The following SGCD variants were observed in gnomAD, a reference collection of about 807,000 sequenced individuals.
The protein encoded by SGCD is sarcoglycan delta.
In SGCD, 18 loss-of-function variants were observed where a neutral mutation model predicts 36.6. The observed-to-expected ratio is 0.49, with a 90% confidence interval of 0.34 to 0.73. SGCD has a LOEUF of 0.73. SGCD is among the 30% of genes least tolerant of loss of function. The pLI, the probability that SGCD is intolerant of heterozygous loss-of-function variation, is 0.01. For synonymous variants in SGCD, 133 were observed against 130.6 expected, an observed-to-expected ratio of 1.02 and a Z score of -0.12; for missense variants, 387 against 346.7, an observed-to-expected ratio of 1.12 and a Z score of -0.92.
At chr5:156,510,185 TA>T (rs1756870688) in intron 4 of SGCD, among the ~76,000 whole-genome samples, 1 of 152,220 alleles carries the variant, frequency 6.6e-6, no homozygotes, top group East Asian at 1.9e-4. Flanking sequence ...AATTTAGCCA[TA>T]CAATGATTAT....
chr5:155,888,803 C>G (rs1756062579), intron 1 of SGCD, among the ~76,000 whole-genome samples: 1 of 151,976 alleles, frequency 6.6e-6, no homozygotes, highest in Non-Finnish European at 1.5e-5. Flanking sequence ...TTCTTTTTTC[C>G]CGAATTTCTT....
chr5:156,109,220 G>A (rs987988774), intron 1 of SGCD, among the ~76,000 whole-genome samples: 19 of 152,104 alleles, frequency 1.2e-4, no homozygotes, highest in African/African-American at 4.3e-4. Flanking sequence ...ACCTTCTTGT[G>A]AAGTAACATT....
chr5:156,698,485 C>G (rs1754402658), intron 7 of SGCD, among the ~76,000 whole-genome samples: 2 of 152,304 alleles, frequency 1.3e-5, no homozygotes, highest in South Asian at 4.1e-4. Context: ...CTGGAAGGAA[C>G]CTCGGAGGCC....
chr5:155,731,692 C>A, the SGCD span, among the ~76,000 whole-genome samples: 1 of 152,172 alleles, frequency 6.6e-6, no homozygotes, highest in Non-Finnish European at 1.5e-5. Flanking sequence ...AGTGTTGGCT[C>A]ACTGACAATA....
intron 3 of SGCD, among the ~76,000 whole-genome samples, chr5:156,230,380 A>G (rs752846513): frequency 3.9e-5 from 6 of 152,096 alleles, no homozygotes; most frequent in Admixed American, 6.5e-5. Context: ...TATTCCCTCA[A>G]TGTGGTACTC....
chr5:156,469,416 A>G (rs755501972), intron 3 of SGCD, among the ~76,000 whole-genome samples: 25 of 152,246 alleles, frequency 1.6e-4, no homozygotes, highest in Non-Finnish European at 3.7e-4. Context: ...TAAAATTAGT[A>G]TACCATATTT....
At chr5:155,924,024 G>A (rs1756943244) in intron 1 of SGCD, among the ~76,000 whole-genome samples, 1 of 152,174 alleles carries the variant, frequency 6.6e-6, no homozygotes. Context: ...CAGGGAAAGA[G>A]CAAGGCAGTG....
intron 1 of SGCD, among the ~76,000 whole-genome samples, chr5:155,891,345 G>T (rs1182530818): frequency 6.6e-6 from 1 of 152,114 alleles, no homozygotes; most frequent in East Asian, 1.9e-4. Flanking sequence ...TTAAAAAGCT[G>T]AGTGGTCTTG....
chr5:155,888,736 T>C (rs1756061049), intron 1 of SGCD, among the ~76,000 whole-genome samples: 1 of 152,236 alleles, frequency 6.6e-6, no homozygotes, highest in Non-Finnish European at 1.5e-5. Flanking sequence ...AAGGCATCTC[T>C]TGAATGAGCT....
At chr5:155,953,440 T>C (rs1757582395) in intron 1 of SGCD, among the ~76,000 whole-genome samples, 1 of 152,162 alleles carries the variant, frequency 6.6e-6, no homozygotes, top group African/African-American at 2.4e-5. Context: ...CACAGTTGAA[T>C]AGCTGCAACA....
intron 3 of SGCD, among the ~76,000 whole-genome samples, chr5:156,365,250 A>G (rs995674197): frequency 1.3e-5 from 2 of 152,216 alleles, no homozygotes; most frequent in African/African-American, 4.8e-5. Context: ...CTTACCTACT[A>G]AAATGTCTGA....
At chr5:156,472,615 A>G (rs1755020954) in intron 3 of SGCD, among the ~76,000 whole-genome samples, 1 of 152,122 alleles carries the variant, frequency 6.6e-6, no homozygotes, top group East Asian at 1.9e-4. Context: ...ATGGGGTTTC[A>G]CCATGTTGAC....
Position 156,211,404 on chromosome 5 carries a change from G to A in SGCD, c.-44+87385G>A, listed in dbSNP as rs900355051. On this transcript the variant is annotated intron_variant, in intron 3 of 9. Transcript: ENST00000517913. ...GGGCGGATCACGTGGTCAGGAGATC[G>A]AGACCATCCTGGCTAACACAGTGAA... Among the ~76,000 whole-genome samples, 11 of 152,144 alleles carry A rather than the reference G, an allele frequency of 7.2e-5. No individual in the cohort carries two copies. The East Asian group carries it at 9.7e-4, about 13-fold the overall frequency.
At chr5:156,669,035 G>A (rs893257651) in intron 7 of SGCD, among the ~76,000 whole-genome samples, 9 of 152,150 alleles carry the variant, frequency 5.9e-5, no homozygotes, top group African/African-American at 2.2e-4. Flanking sequence ...TGAATGGTTT[G>A]TCAAATGGCC....
intron 7 of SGCD, among the ~76,000 whole-genome samples, chr5:156,654,371 T>C (rs1763591862): frequency 1.3e-5 from 2 of 152,166 alleles, no homozygotes; most frequent in African/African-American, 4.8e-5. Context: ...TGAATGGGAC[T>C]GAAACAGAAA....
chr5:156,335,157 T>C (rs1055822013), intron 2 of SGCD, among the ~76,000 whole-genome samples: 1 of 152,206 alleles, frequency 6.6e-6, no homozygotes, highest in Non-Finnish European at 1.5e-5. Flanking sequence ...GCATGTGTGT[T>C]TCACAAATGT....
intron 1 of SGCD, among the ~76,000 whole-genome samples, chr5:156,027,344 A>C (rs564537605): frequency 2.8e-4 from 43 of 152,300 alleles, no homozygotes; most frequent in African/African-American, 9.6e-4. Context: ...GTATGAAGAA[A>C]GGGTTTAAAA....
chr5:156,587,850 G>A (rs933537124), intron 4 of SGCD, among the ~76,000 whole-genome samples: 10 of 151,678 alleles, frequency 6.6e-5, no homozygotes, highest in South Asian at 2.1e-4. Context: ...TCATAGCTCC[G>A]AAATCACTCT....
chr5:155,776,979 C>T, the SGCD span, among the ~76,000 whole-genome samples: 1 of 152,090 alleles, frequency 6.6e-6, no homozygotes, highest in Non-Finnish European at 1.5e-5. Context: ...TATAAAAACA[C>T]TACTATAACT....
Sources: gnomAD v4.1 joint callset for allele counts (sites outside exome capture counted in the v4.1 genomes callset) on GRCh38, gnomAD v4.1.1 for gene constraint, MANE v1.5 for transcripts, NCBI Gene and HGNC (gene_info 2026-07-23, HGNC 2026-07-21) for gene names.